SPRY3: variants seen among roughly 807,000 people sequenced by gnomAD.
The protein encoded by SPRY3 is sprouty RTK signaling antagonist 3, also known as protein sprouty homolog 3.
In SPRY3, 15 loss-of-function variants were observed where a neutral mutation model predicts 20.2. The observed-to-expected ratio is 0.74, with a 90% CI of 0.50 to 1.14. The LOEUF is 1.14. Ranked by LOEUF, SPRY3 falls within the 50% of genes most tolerant of loss-of-function variation. The pLI is 0.00. For missense variants in SPRY3, 364 were observed against 363.9 expected, an observed-to-expected ratio of 1.00 and a Z score of 0.00; for synonymous variants, 143 against 136.5, an observed-to-expected ratio of 1.05 and a Z score of -0.33.
chrX:155,630,201 T>C (rs1557350326), intron 1 of SPRY3, among the ~76,000 whole-genome samples: 1 of 112,305 alleles, frequency 8.9e-6, no homozygotes, highest in Non-Finnish European at 1.9e-5. Flanking sequence ...CAAGTTATCA[T>C]AGTTATTATA....
At chrX:155,619,813 A>G (rs1180991115) in intron 1 of SPRY3, among the ~76,000 whole-genome samples, 1 of 111,894 alleles carries the variant, frequency 8.9e-6, no homozygotes, top group African/African-American at 3.2e-5. Context: ...GGTATCTATA[A>G]TACATATAGA....
At chrX:155,699,716 A>C (rs746036533) in intron 2 of SPRY3, among the ~76,000 whole-genome samples, 69 of 111,102 alleles carry the variant, frequency 6.2e-4, no homozygotes, top group African/African-American at 1.6e-3. Context: ...CTTCTGAGAA[A>C]GGAGTAGGGT....
chrX:155,737,334 A>G (rs2091176307), intron 2 of SPRY3, among the ~76,000 whole-genome samples: 1 of 152,120 alleles, frequency 6.6e-6, no homozygotes, highest in African/African-American at 2.4e-5. Context: ...TGATTCAGGC[A>G]GGGTGCTAGT....
At chrX:155,715,734 C>G (rs149339497) in intron 2 of SPRY3, among the ~76,000 whole-genome samples, 555 of 152,256 alleles carry the variant, frequency 3.6e-3, no homozygotes, top group Non-Finnish European at 6.6e-3. Flanking sequence ...AACCCAAGTT[C>G]CAATTGCTGG....
At chrX:155,676,478 C>T (rs967433946) in intron 2 of SPRY3, among the ~76,000 whole-genome samples, 3 of 111,284 alleles carry the variant, frequency 2.7e-5, no homozygotes, top group Admixed American at 1.9e-4. Context: ...CCCTTCCCCT[C>T]TCTGGACCTT....
chrX:155,747,259 T>C (rs1244693908), intron 2 of SPRY3, among the ~76,000 whole-genome samples: 1 of 151,918 alleles, frequency 6.6e-6, no homozygotes, highest in African/African-American at 2.4e-5. Flanking sequence ...CCAATGATAG[T>C]TTGTAAATCA....
chrX:155,775,404 C>T (rs2091418313), exon 4 of SPRY3: 1 of 167,234 alleles, frequency 6.0e-6, no homozygotes, highest in South Asian at 2.1e-4. Flanking sequence ...CTCTCTCTAC[C>T]TGTCCCTTTT....
At chrX:155,731,111 A>G (rs984594725) in intron 2 of SPRY3, among the ~76,000 whole-genome samples, 1 of 152,158 alleles carries the variant, frequency 6.6e-6, no homozygotes, top group Non-Finnish European at 1.5e-5. Flanking sequence ...ATTCATAGCA[A>G]TCCCTATCAA....
At chrX:155,755,704 T>C (rs1249120992) in intron 2 of SPRY3, among the ~76,000 whole-genome samples, 1 of 152,076 alleles carries the variant, frequency 6.6e-6, no homozygotes, top group Non-Finnish European at 1.5e-5. Context: ...CCTGGGAAGA[T>C]TTTAAAATAA....
At chrX:155,642,437 T>C (rs1557351526) in intron 1 of SPRY3, among the ~76,000 whole-genome samples, 2 of 111,865 alleles carry the variant, frequency 1.8e-5, no homozygotes, top group Non-Finnish European at 3.8e-5. Context: ...AACCATTTTT[T>C]GTTTCTTTTT....
intron 2 of SPRY3, among the ~76,000 whole-genome samples, chrX:155,736,644 T>C (rs893704035): frequency 6.6e-6 from 1 of 152,120 alleles, no homozygotes; most frequent in Non-Finnish European, 1.5e-5. Context: ...GTAGTTTAAA[T>C]ATGATATGCT....
chrX:155,764,563 G>C (rs1221653893), intron 2 of SPRY3, among the ~76,000 whole-genome samples: 1 of 152,158 alleles, frequency 6.6e-6, no homozygotes, highest in Non-Finnish European at 1.5e-5. Context: ...TTAATTTAGT[G>C]ATCAGTATGC....
intron 2 of SPRY3, among the ~76,000 whole-genome samples, chrX:155,693,131 C>A (rs980773670): frequency 4.5e-5 from 5 of 110,858 alleles, no homozygotes; most frequent in Non-Finnish European, 9.5e-5. Flanking sequence ...CTTTGATTTT[C>A]GTTCTAACTA....
chrX:155,636,791 A>G (rs1418350581), intron 1 of SPRY3, among the ~76,000 whole-genome samples: 1 of 110,335 alleles, frequency 9.1e-6, no homozygotes, highest in Non-Finnish European at 1.9e-5. Context: ...TACAGTAACT[A>G]TTGTGACTTT....
At chrX:155,761,714 ATTTTT>A (rs59391494) in intron 2 of SPRY3, among the ~76,000 whole-genome samples, 1 of 136,324 alleles carries the variant, frequency 7.3e-6, no homozygotes, top group East Asian at 2.2e-4. Context: ...GCCAGCACCT[ATTTTT>A]TTTTTTTTTT....
intron 2 of SPRY3, among the ~76,000 whole-genome samples, chrX:155,738,591 T>A (rs929254179): frequency 2.0e-4 from 31 of 151,806 alleles, no homozygotes; most frequent in African/African-American, 7.3e-4. Flanking sequence ...CAGGGTGGGG[T>A]GATGGCCCAC....
intron 2 of SPRY3, among the ~76,000 whole-genome samples, chrX:155,709,819 C>A (rs2090974163): frequency 6.6e-6 from 1 of 151,564 alleles, no homozygotes; most frequent in Non-Finnish European, 1.5e-5. Context: ...GTATTTAATC[C>A]ATTTGGATTT....
intron 2 of SPRY3, among the ~76,000 whole-genome samples, chrX:155,722,248 C>A (rs902378934): frequency 6.6e-6 from 1 of 152,220 alleles, no homozygotes; most frequent in Admixed American, 6.5e-5. Flanking sequence ...CATGGCCAGG[C>A]ACAGTGGCTC....
chrX:155,720,860 A>ACT (rs1197511992), intron 2 of SPRY3, among the ~76,000 whole-genome samples: 6 of 152,050 alleles, frequency 3.9e-5, no homozygotes, highest in Non-Finnish European at 7.4e-5. Flanking sequence ...TAAGTACCCA[A>ACT]CTCTTCAATG....
Sources: allele counts gnomAD v4.1 joint callset (sites outside exome capture counted in the v4.1 genomes callset), GRCh38; gene constraint gnomAD v4.1.1; transcripts MANE v1.5; gene names NCBI Gene and HGNC (gene_info 2026-07-23, HGNC 2026-07-21).